AKTIP: variants seen among roughly 807,000 people sequenced by gnomAD.
The protein encoded by AKTIP is AKT interacting protein, also known as AKT-interacting protein.
In AKTIP, 16 loss-of-function variants were observed where a neutral mutation model predicts 39.1. That is an observed-to-expected ratio of 0.41 (90% CI 0.28 to 0.62). The LOEUF is 0.62. Ranked by LOEUF, AKTIP falls within the 20% of genes least tolerant of loss-of-function variation. The pLI, the probability that AKTIP is intolerant of heterozygous loss-of-function variation, is 0.32. For missense variants in AKTIP, 262 were observed against 356.6 expected (o/e 0.73, Z 2.14); for synonymous variants, 93 against 124.3 (o/e 0.75, Z 1.67).
At chr16:53,504,088 CTTTTTTT>C (rs766022873), upstream of AKTIP, among the ~76,000 whole-genome samples, 23 of 133,790 alleles carry the variant, frequency 1.7e-4, no homozygotes, top group African/African-American at 2.7e-5. Flanking sequence ...AGTTCCTGGT[CTTTTTTT>C]TTTTTTTTTT....
upstream of AKTIP, chr16:53,503,310 A>C (rs1179767065): frequency 2.9e-5 from 4 of 136,992 alleles, no homozygotes; most frequent in Admixed American, 8.4e-5. Context: ...CCCCTGCTGC[A>C]CGATCCTGGG....
Position 53,494,119 on chromosome 16 carries a change from T to C in AKTIP, c.710+19A>G. The C allele has an allele frequency of 6.4e-7, 1 of 1,573,202 alleles. No individual in the cohort carries two copies. The highest frequency in any genetic ancestry group is 1.4e-5 in the African/African-American group (1 of 74,028). ...TGGAAAGGACAGTGGACAGTTCACT[T>C]GGGGGATGCACCACTTACCTAATTG... On this transcript the variant is annotated intron_variant, in intron 8 of 9. Transcript: ENST00000394657.
chr16:53,491,274 T>C lies in AKTIP; in HGVS notation c.*1138A>G, dbSNP rs937736570. 1 of 152,194 alleles carries C rather than the reference T, an allele frequency of 6.6e-6. No individual in the cohort carries two copies. The highest frequency in any genetic ancestry group is 2.4e-5 in the African/African-American group (1 of 41,452). The allele number at this position is 152,194 out of a possible 1,614,324, so 9.4% of individuals were successfully genotyped here. ...TCTATTAAGGTGATATATTTAAAAA[T>C]ATTTTTGGGTGTTCCTGGCAGTTTA... On this transcript the variant is annotated 3_prime_UTR_variant, in exon 10 of 10. Coordinates refer to ENST00000394657, the MANE Select transcript of AKTIP (RefSeq NM_022476.4).
intron 3 of AKTIP, among the ~76,000 whole-genome samples, chr16:53,495,914 C>T (rs1056918091): frequency 3.9e-5 from 6 of 152,206 alleles, no homozygotes; most frequent in Non-Finnish European, 7.3e-5. Flanking sequence ...CATCCTTGTG[C>T]GGCTCTCACA....
At chr16:53,496,313 A>G (rs1238372280) in intron 3 of AKTIP, among the ~76,000 whole-genome samples, 1 of 152,044 alleles carries the variant, frequency 6.6e-6, no homozygotes, top group Admixed American at 6.5e-5. Context: ...ATACAGATTT[A>G]ATCACCCCAA....
upstream of AKTIP, chr16:53,503,259 G>GCCCCC (rs1381452800): frequency 2.7e-5 from 1 of 37,060 alleles, no homozygotes; most frequent in Non-Finnish European, 5.8e-5. Context: ...GCCCCACCCC[G>GCCCCC]CCCTGCCCTG....
chr16:53,494,060 T>A, intron 8 of AKTIP, 78 bp downstream of exon 8: 2 of 1,169,218 alleles, frequency 1.7e-6, no homozygotes, highest in Non-Finnish European at 2.6e-6. Context: ...TATATCCCTA[T>A]TCTGAGACCA....
chr16:53,500,965 A>T (rs145565976), intron 1 of AKTIP: 2 of 152,304 alleles, frequency 1.3e-5, no homozygotes, highest in African/African-American at 4.8e-5. Context: ...TGTTACTAGC[A>T]CATCTCGGCA....
At chr16:53,500,904 G>C (rs1303442343) in intron 1 of AKTIP, among the ~76,000 whole-genome samples, 1 of 152,186 alleles carries the variant, frequency 6.6e-6, no homozygotes, top group Non-Finnish European at 1.5e-5. Flanking sequence ...AGATTACTCA[G>C]TGACACAGAT....
At chr16:53,501,602 G>A (rs1216889763) in intron 1 of AKTIP, 1 of 152,110 alleles carries the variant, frequency 6.6e-6, no homozygotes, top group Non-Finnish European at 1.5e-5. Context: ...ACTAAGCAAC[G>A]TTTTCCTAAT....
chr16:53,498,319 A>G (rs1961963342), intron 3 of AKTIP, 72 bp downstream of exon 3: 1 of 1,496,196 alleles, frequency 6.7e-7, no homozygotes, highest in East Asian at 2.3e-5. Flanking sequence ...TACTGCATCC[A>G]TCAGAATAAA....
At chr16:53,504,041 G>A (rs908195656), upstream of AKTIP, among the ~76,000 whole-genome samples, 2 of 151,818 alleles carry the variant, frequency 1.3e-5, no homozygotes, top group African/African-American at 4.8e-5. Context: ...TGATTCTGGC[G>A]CACACTGAAG....
At position 53,492,473 on chromosome 16, in the gene AKTIP, G is replaced by T. The variant is rs1598146921; in HGVS notation, c.818C>A (p.Ser273Ter). The change falls in exon 10 of 10, where the codon TCA (serine) becomes TAA (stop). Residue 273 changes from serine to a stop codon, truncating the protein, a stop_gained. Transcript: ENST00000394657. LOFTEE classifies it high-confidence loss of function. ...CTGTACTGAGCCAGGCTTTACCCAT[G>T]ACAGGCCAGCAACATGAACACTTTT... Reference protein sequence around the residue: ...HNKSVHVAGLSWVKPGSVQPF... With the variant: ...HNKSVHVAGL 1 of 1,613,772 alleles carries T rather than the reference G, an allele frequency of 6.2e-7. No individual in the cohort carries two copies. The highest frequency in any genetic ancestry group is 1.1e-5 in the South Asian group (1 of 91,056).
intron 2 of AKTIP, among the ~76,000 whole-genome samples, chr16:53,499,544 T>C (rs1230938321): frequency 1.3e-5 from 2 of 151,802 alleles, no homozygotes; most frequent in African/African-American, 4.8e-5. Context: ...CAAGCAAGCT[T>C]TGCCTCCTGG....
rs996923266 is a variant in AKTIP at position 53,496,415 on chromosome 16, T to C, written c.249-1089A>G. On this transcript the variant is annotated intron_variant, in intron 3 of 9. Coordinates refer to ENST00000394657, the MANE Select transcript of AKTIP (RefSeq NM_022476.4). Reference sequence around the variant, plus strand: ...ATTACTACCAAATCATACCCAGCCTTTGTATACAGTTAAAAAGTTACACTG... The same window carrying C: ...ATTACTACCAAATCATACCCAGCCTCTGTATACAGTTAAAAAGTTACACTG... 2.6e-5 allele frequency among the ~76,000 whole-genome samples: 4 copies of C among 151,840 alleles called. 1 individual carries two copies.
chr16:53,498,565 C>T lies in AKTIP; in HGVS notation c.74G>A (p.Gly25Glu). The T allele has an allele frequency of 1.2e-6, 2 of 1,614,056 alleles. No individual in the cohort carries two copies. Among genetic ancestry groups the T allele is most frequent in the Non-Finnish European group, 1.7e-6 (2 of 1,179,946 alleles). Residue 25 changes from glycine (G) to glutamate (E), a missense_variant, in exon 3 of 10, where the codon GGG (glycine) becomes GAG (glutamate). Gly to Glu is a moderately conservative substitution (Grantham distance 98, BLOSUM62 -2). This residue lies in a region of AKTIP where 88 missense variants were observed against 132.1 expected (regional missense o/e 0.67). Transcript: ENST00000394657. ...RSEGEEKTLT[G>E]DVKTSPPRTA... ...TCGTGGAGGACTGGTTTTCACGTCC[C>T]CTGTTAATGTCTTCTCTTCACCTTC...
chr16:53,496,199 T>C (rs764646313), intron 3 of AKTIP, among the ~76,000 whole-genome samples: 2 of 152,226 alleles, frequency 1.3e-5, no homozygotes, highest in Non-Finnish European at 2.9e-5. Context: ...TTTTGAGTTA[T>C]TATCCGGTCC....
At position 53,494,598 on chromosome 16, in the gene AKTIP, A is replaced by G; in HGVS notation, c.422T>C (p.Val141Ala). Residue 141 changes from valine to alanine, a missense_variant, in exon 6 of 10, where the codon GTG becomes GCG. Physicochemically the swap from Val to Ala is moderately conservative, Grantham distance 64. Transcript: ENST00000394657. ...CGGGTGAAAGACAGGAATATCGAACACCAAGCGCTGTATTTAAATAAAGAG... is the reference window on the plus strand; with the variant it reads ...CGGGTGAAAGACAGGAATATCGAACGCCAAGCGCTGTATTTAAATAAAGAG... ...NYPDGDCPRL[V>A]FDIPVFHPLV... 6.2e-7 allele frequency: 1 copy of G among 1,613,988 alleles called. No individual in the cohort carries two copies. The highest frequency in any genetic ancestry group is 8.5e-7 in the Non-Finnish European group (1 of 1,179,914).
upstream of AKTIP, among the ~76,000 whole-genome samples, chr16:53,503,571 C>A (rs528839019): frequency 3.3e-5 from 5 of 152,372 alleles, no homozygotes; most frequent in South Asian, 1.0e-3. Context: ...TTGGCCAGGG[C>A]GTCTGCCAGT....
Sources: gnomAD v4.1 joint callset for allele counts (sites outside exome capture counted in the v4.1 genomes callset) on GRCh38, gnomAD v4.1.1 for gene constraint, gnomAD v4.1.1 regional missense constraint, MANE v1.5 for transcripts, NCBI Gene and HGNC (gene_info 2026-07-23, HGNC 2026-07-21) for gene names.